The following CCDC150 variants were observed in gnomAD, a reference collection of about 807,000 sequenced individuals.
The protein encoded by CCDC150 is coiled-coil domain containing 150, also known as coiled-coil domain-containing protein 150.
In CCDC150, 151 loss-of-function variants were observed where a neutral mutation model predicts 156.5. The ratio of observed to expected loss-of-function variants is 0.97; its 90% CI spans 0.85 to 1.10. The LOEUF is 1.10. Among genes scored for constraint, CCDC150 ranks in the 50% least tolerant of loss-of-function variants. CCDC150 has a pLI of 0.00. For synonymous variants in CCDC150, 452 were observed against 429.4 expected (o/e 1.05, Z -0.65); for missense variants, 1,312 against 1,268.1 (o/e 1.03, Z -0.53).
chr2:196,664,655 A>G (rs1693738260), intron 5 of CCDC150, among the ~76,000 whole-genome samples: 2 of 152,154 alleles, frequency 1.3e-5, no homozygotes. Flanking sequence ...TGATCAACTT[A>G]CCTTTCAGCC....
chr2:196,719,748 T>A, intron 19 of CCDC150, 82 bp downstream of exon 19: 1 of 972,634 alleles, frequency 1.0e-6, no homozygotes, highest in Non-Finnish European at 1.4e-6. Context: ...TGAAGTCACT[T>A]TATGTAGCTT....
intron 25 of CCDC150, among the ~76,000 whole-genome samples, chr2:196,730,523 T>C (rs927639836): frequency 1.3e-5 from 2 of 152,214 alleles, no homozygotes; most frequent in African/African-American, 4.8e-5. Flanking sequence ...GTCTTATCAC[T>C]GAAAAGGGAC....
chr2:196,712,455 G>C (rs1217158838), intron 16 of CCDC150: 1 of 570,908 alleles, frequency 1.8e-6, no homozygotes, highest in African/African-American at 1.9e-5. Context: ...ACCTGAAGCA[G>C]GATTGAGACA....
Position 196,646,372 on chromosome 2 carries a change from T to C in CCDC150, c.44T>C (p.Val15Ala), listed in dbSNP as rs200183130. ...ATGGAAACTACAGTGTCCAGACCGG[T>C]CCTTTCTCCAACCCACATCAACGCT... ...VHMETTVSRP[V>A]LSPTHINATA... Residue 15 changes from valine (V) to alanine (A), a missense_variant, in exon 2 of 28, where the codon GTC becomes GCC. Physicochemically the swap from Val to Ala is moderately conservative, Grantham distance 64. Transcript: ENST00000389175. The C allele has an allele frequency of 5.9e-5, 95 of 1,613,750 alleles. No homozygotes were observed. Among genetic ancestry groups the C allele is most frequent in the Non-Finnish European group, 8.0e-5 (94 of 1,179,778 alleles).
At chr2:196,658,486 G>A (rs969137898) in intron 4 of CCDC150, among the ~76,000 whole-genome samples, 1 of 152,146 alleles carries the variant, frequency 6.6e-6, no homozygotes, top group Non-Finnish European at 1.5e-5. Flanking sequence ...TAAGTAAAAT[G>A]TCTGTCAATT....
At chr2:196,651,355 G>A (rs559625427) in intron 2 of CCDC150, among the ~76,000 whole-genome samples, 36 of 152,222 alleles carry the variant, frequency 2.4e-4, no homozygotes, top group African/African-American at 7.7e-4. Context: ...ATTTGAATTT[G>A]ACAGTACTTT....
At chr2:196,683,274 T>C (rs1694947146) in intron 13 of CCDC150, among the ~76,000 whole-genome samples, 1 of 152,104 alleles carries the variant, frequency 6.6e-6, no homozygotes, top group Non-Finnish European at 1.5e-5. Context: ...ATTGAGATGA[T>C]CTTGTGGGTT....
intron 8 of CCDC150, 30 bp downstream of exon 8, chr2:196,669,906 T>C (rs1173365388): frequency 1.3e-6 from 2 of 1,546,426 alleles, no homozygotes; most frequent in Non-Finnish European, 1.8e-6. Context: ...AGTACAGAGG[T>C]GGTCTTTCCT....
chr2:196,645,376 G>A (rs1231445855), intron 1 of CCDC150, among the ~76,000 whole-genome samples: 2 of 152,174 alleles, frequency 1.3e-5, no homozygotes, highest in African/African-American at 4.8e-5. Flanking sequence ...AAGGGTCAGG[G>A]AGATACCTGA....
chr2:196,669,814 G>A lies in CCDC150; in HGVS notation c.893-19G>A. 2 of 1,553,256 alleles carry A rather than the reference G, an allele frequency of 1.3e-6. No individual in the cohort carries two copies. Among genetic ancestry groups the A allele is most frequent in the Non-Finnish European group, 1.8e-6 (2 of 1,128,970 alleles). On this transcript the variant is annotated intron_variant, in intron 7 of 27. Transcript: ENST00000389175. ...AGCAAGTTACTATTATCATAGTTATGTGGAATTTTTGTTTTTAGCTTCTAG... is the reference window on the plus strand; with the variant it reads ...AGCAAGTTACTATTATCATAGTTATATGGAATTTTTGTTTTTAGCTTCTAG...
chr2:196,713,445 A>G, intron 17 of CCDC150: 1 of 1,550,876 alleles, frequency 6.4e-7, no homozygotes. Context: ...AGTATAAAGG[A>G]AAGAACGTCA....
At chr2:196,698,860 G>T (rs947452272) in intron 14 of CCDC150, among the ~76,000 whole-genome samples, 1 of 152,154 alleles carries the variant, frequency 6.6e-6, no homozygotes, top group South Asian at 2.1e-4. Flanking sequence ...CCGGCAACAG[G>T]CCCCAGTGTG....
rs60120432 is a variant in CCDC150 at position 196,668,245 on chromosome 2, C to T, written c.892+1397C>T. Among the ~76,000 whole-genome samples the T allele has an allele frequency of 3.4e-5, 5 of 145,274 alleles. No homozygotes were observed. In the East Asian group the frequency reaches 6.1e-4, roughly 18 times the overall value. ...CCAGGAGGCTGAGGTTGCAGTGAGC[C>T]GAGATCGTGCCATTGCACTCCAGCC... On this transcript the variant is annotated intron_variant, in intron 7 of 27. Coordinates refer to ENST00000389175, the MANE Select transcript of CCDC150 (RefSeq NM_001080539.2).
chr2:196,695,454 G>C (rs1294310888), intron 14 of CCDC150, among the ~76,000 whole-genome samples: 4 of 151,928 alleles, frequency 2.6e-5, no homozygotes, highest in African/African-American at 9.7e-5. Flanking sequence ...TTTCTCATCA[G>C]ACAGTTTCCT....
chr2:196,668,535 G>A (rs754562805), intron 7 of CCDC150, among the ~76,000 whole-genome samples: 32 of 152,096 alleles, frequency 2.1e-4, no homozygotes, highest in Non-Finnish European at 2.2e-4. Flanking sequence ...CTGACATGAG[G>A]AAAAGGAAGC....
rs950318480 is a variant in CCDC150, at chr2:196,695,153, C to T, written c.1617C>T (p.Tyr539=). The part of the protein sequence containing the change: ...SLELQQVTSD[Y]HGLAQQKVEK... ...AACTTCAGCAAGTCACTTCTGATTA[C>T]CATGGGGTGGGTATAAAAAGATCAG... is the stretch of plus-strand genomic sequence containing the variant. Residue 539 remains tyrosine (Y), a synonymous_variant, in exon 14 of 28, where the codon TAC becomes TAT. Transcript: ENST00000389175. 4 of 1,576,066 alleles carry T rather than the reference C, an allele frequency of 2.5e-6. No individual in the cohort carries two copies. The highest frequency in any genetic ancestry group is 3.5e-6 in the Non-Finnish European group (4 of 1,146,940).
At chr2:196,673,236 C>G (rs1380233753) in intron 9 of CCDC150, among the ~76,000 whole-genome samples, 1 of 152,038 alleles carries the variant, frequency 6.6e-6, no homozygotes, top group East Asian at 1.9e-4. Flanking sequence ...TCACAATAGC[C>G]CTATGAAATG....
intron 21 of CCDC150, among the ~76,000 whole-genome samples, chr2:196,724,720 A>T (rs1158597216): frequency 6.6e-6 from 1 of 152,230 alleles, no homozygotes; most frequent in African/African-American, 2.4e-5. Flanking sequence ...CAATAAATTT[A>T]AAGGCAATTT....
chr2:196,656,973 G>A lies in CCDC150; in HGVS notation c.413G>A (p.Arg138Gln), dbSNP rs747654565. 3.7e-6 allele frequency: 6 copies of A among 1,613,202 alleles called. No homozygotes were observed. The African/African-American group carries it at 4.0e-5, about 11-fold the overall frequency. The change falls in exon 4 of 28, where the codon CGA becomes CAA. Residue 138 changes from arginine to glutamine, a missense_variant. By Grantham distance (43) the Arg-to-Gln change is conservative. Transcript: ENST00000389175. ...NPQKTAFLKD[R>Q]LNAIQEEHSK... is the part of the protein sequence containing the mutation. ...GGTCTGGTAGCTTTTCTGAAAGATCGACTGAATGCAATACAGGAAGAGCAT... is the reference window on the plus strand; with the variant it reads ...GGTCTGGTAGCTTTTCTGAAAGATCAACTGAATGCAATACAGGAAGAGCAT...
Sources: allele counts gnomAD v4.1 joint callset (sites outside exome capture counted in the v4.1 genomes callset), GRCh38; gene constraint gnomAD v4.1.1; transcripts MANE v1.5; gene names NCBI Gene and HGNC (gene_info 2026-07-23, HGNC 2026-07-21).